MELK: variants seen among roughly 807,000 people sequenced by gnomAD.
MELK encodes the protein maternal embryonic leucine zipper kinase.
A neutral mutation model predicts 85.0 loss-of-function variants in MELK; 81 were observed. The observed-to-expected ratio is 0.95, with a 90% CI of 0.80 to 1.15. The LOEUF (loss-of-function observed/expected upper bound fraction) is 1.15, where lower values mean the gene tolerates loss of function less well. Among genes scored for constraint, MELK ranks in the 50% most tolerant of loss-of-function variants. The pLI, the probability that MELK is intolerant of heterozygous loss-of-function variation, is 0.00. For missense variants in MELK, 754 were observed against 777.5 expected, an observed-to-expected ratio of 0.97 and a Z score of 0.36; for synonymous variants, 252 against 265.0, an observed-to-expected ratio of 0.95 and a Z score of 0.48.
At chr9:36,609,085 T>C (rs935511441) in intron 8 of MELK, among the ~76,000 whole-genome samples, 5 of 152,256 alleles carry the variant, frequency 3.3e-5, no homozygotes, top group Non-Finnish European at 5.9e-5. Context: ...TAAAATCCTA[T>C]ATATCAGAGA....
At chr9:36,581,209 ATTTTT>A (rs112571055) in intron 1 of MELK, among the ~76,000 whole-genome samples, 6 of 150,988 alleles carry the variant, frequency 4.0e-5, no homozygotes, top group African/African-American at 1.5e-4. Context: ...TTTTATTTTT[ATTTTT>A]TTTATAGATG....
At chr9:36,580,722 T>C (rs1196773744) in intron 1 of MELK, among the ~76,000 whole-genome samples, 2 of 151,132 alleles carry the variant, frequency 1.3e-5, no homozygotes, top group African/African-American at 4.9e-5. Flanking sequence ...TTGTGTTTCT[T>C]TGAGAAATTT....
chr9:36,584,240 C>G (rs1822592882), intron 3 of MELK, among the ~76,000 whole-genome samples: 1 of 151,338 alleles, frequency 6.6e-6, no homozygotes, highest in Non-Finnish European at 1.5e-5. Flanking sequence ...CTCCTGACCC[C>G]GTGATCTGCC....
At chr9:36,663,974 G>A (rs1199455265) in intron 13 of MELK, among the ~76,000 whole-genome samples, 1 of 152,160 alleles carries the variant, frequency 6.6e-6, no homozygotes, top group African/African-American at 2.4e-5. Context: ...CCTTATGTTA[G>A]ACATTTTATT....
At chr9:36,583,816 T>G in intron 3 of MELK, 104 bp downstream of exon 3, 1 of 754,220 alleles carries the variant, frequency 1.3e-6, no homozygotes, top group South Asian at 2.1e-5. Flanking sequence ...GAATAATATT[T>G]TTATACCTTT....
At chr9:36,661,073 G>A (rs985770133) in intron 13 of MELK, among the ~76,000 whole-genome samples, 5 of 152,134 alleles carry the variant, frequency 3.3e-5, no homozygotes, top group African/African-American at 9.7e-5. Context: ...GCTAAATAAT[G>A]ACAGTTTTCT....
intron 8 of MELK, among the ~76,000 whole-genome samples, chr9:36,615,240 CG>C (rs1396028705): frequency 7.6e-6 from 1 of 132,410 alleles, no homozygotes; most frequent in African/African-American, 3.2e-5. Flanking sequence ...GCTGGCCAGG[CG>C]GGGGGCTGAC....
At chr9:36,620,307 A>G (rs1587462869) in intron 8 of MELK, among the ~76,000 whole-genome samples, 1 of 152,152 alleles carries the variant, frequency 6.6e-6, no homozygotes, top group Non-Finnish European at 1.5e-5. Flanking sequence ...TTTCTGATTT[A>G]CTAAGGCTAC....
intron 3 of MELK, among the ~76,000 whole-genome samples, chr9:36,586,788 CTGT>C (rs1280773641): frequency 4.6e-5 from 7 of 152,162 alleles, no homozygotes; most frequent in Admixed American, 2.6e-4. Context: ...TTTATATTTT[CTGT>C]TGTTATTATG....
chr9:36,623,569 A>T (rs1827649246), intron 8 of MELK, among the ~76,000 whole-genome samples: 1 of 152,216 alleles, frequency 6.6e-6, no homozygotes, highest in Admixed American at 6.5e-5. Flanking sequence ...GGGACATTGC[A>T]GGAGGTGATG....
chr9:36,674,702 T>G, intron 16 of MELK, 132 bp from the exon 17 acceptor site: 1 of 482,326 alleles, frequency 2.1e-6, no homozygotes, highest in Non-Finnish European at 3.6e-6. Flanking sequence ...GTAAATTCCT[T>G]TGATATTTTT....
At chr9:36,676,780 C>T (rs759814906) in intron 17 of MELK, among the ~76,000 whole-genome samples, 3 of 152,160 alleles carry the variant, frequency 2.0e-5, no homozygotes, top group East Asian at 3.9e-4. Flanking sequence ...ATCTTTCTTG[C>T]GCTTTCCTTT....
intron 5 of MELK, among the ~76,000 whole-genome samples, chr9:36,596,917 C>T (rs549705488): frequency 4.2e-4 from 64 of 152,218 alleles, no homozygotes; most frequent in African/African-American, 1.4e-3. Context: ...CTTGTCATTT[C>T]GTTAGTTTCT....
At chr9:36,662,206 A>G (rs1831910346) in intron 13 of MELK, among the ~76,000 whole-genome samples, 1 of 150,702 alleles carries the variant, frequency 6.6e-6, no homozygotes, top group African/African-American at 2.4e-5. Flanking sequence ...CTAAATTTTT[A>G]ACATTTAATT....
At chr9:36,580,036 T>G (rs1179631274) in intron 1 of MELK, among the ~76,000 whole-genome samples, 25 of 138,092 alleles carry the variant, frequency 1.8e-4, no homozygotes, top group African/African-American at 7.6e-4. Context: ...TTTTCATGTC[T>G]TCTTTTTTTT....
intron 8 of MELK, among the ~76,000 whole-genome samples, chr9:36,608,665 T>C (rs1469520909): frequency 6.6e-6 from 1 of 152,064 alleles, no homozygotes; most frequent in African/African-American, 2.4e-5. Flanking sequence ...CACCGCAACC[T>C]CTGCTTCCCA....
intron 7 of MELK, among the ~76,000 whole-genome samples, chr9:36,600,729 C>T (rs1824837173): frequency 6.6e-6 from 1 of 152,156 alleles, no homozygotes; most frequent in Non-Finnish European, 1.5e-5. Flanking sequence ...TGTGATCCTT[C>T]AGGAAAGGAA....
At chr9:36,585,298 C>CTTTT (rs1822764852) in intron 3 of MELK, among the ~76,000 whole-genome samples, 3 of 106,928 alleles carry the variant, frequency 2.8e-5, no homozygotes, top group Admixed American at 9.2e-5. Context: ...TTCTACCATT[C>CTTTT]TTTGTTTTTT....
At chr9:36,632,030 T>C (rs1265403352) in intron 9 of MELK, among the ~76,000 whole-genome samples, 2 of 152,234 alleles carry the variant, frequency 1.3e-5, no homozygotes, top group Non-Finnish European at 2.9e-5. Context: ...GTTGATGTAC[T>C]ATTGAATGGG....
Sources: gnomAD v4.1 joint callset for allele counts (sites outside exome capture counted in the v4.1 genomes callset) on GRCh38, gnomAD v4.1.1 for gene constraint, MANE v1.5 for transcripts, NCBI Gene and HGNC (gene_info 2026-07-23, HGNC 2026-07-21) for gene names.